Variants in OR8J1 observed in about 807,000 individuals in gnomAD.
The protein encoded by OR8J1 is olfactory receptor family 8 subfamily J member 1.
For synonymous variants in OR8J1, 157 were observed against 144.3 expected (o/e 1.09, Z -0.63); for missense variants, 400 against 373.0 (o/e 1.07, Z -0.60).
chr11:56,357,484 A>T, intron 1 of OR8J1: 1 of 865,192 alleles, frequency 1.2e-6, no homozygotes, highest in Non-Finnish European at 1.9e-6. Flanking sequence ...ATGATAGTTC[A>T]TGTAATAAAC....
intron 1 of OR8J1, among the ~76,000 whole-genome samples, chr11:56,356,344 C>G (rs140156207): frequency 1.8e-3 from 275 of 152,222 alleles, no homozygotes; most frequent in Admixed American, 4.1e-3. Context: ...TTAAAAATCA[C>G]TTTTTAATAA....
intron 1 of OR8J1, chr11:56,357,798 G>T: frequency 7.9e-7 from 1 of 1,263,762 alleles, no homozygotes; most frequent in East Asian, 2.3e-5. Flanking sequence ...TGGCAATAAA[G>T]TTTTTGGCAC....
chr11:56,361,026 G>T lies in OR8J1; in HGVS notation c.780G>T (p.Val260=). The T allele has an allele frequency of 6.7e-7, 1 of 1,498,258 alleles. No individual in the cohort carries two copies. Among genetic ancestry groups the T allele is most frequent in the South Asian group, 1.5e-5 (1 of 67,606 alleles). The allele number at this position is 1,498,258 out of a possible 1,614,324, so 92.8% of individuals were successfully genotyped here. A position where few individuals can be genotyped will look rare whatever the true frequency, so the allele number is the denominator to read the frequency against. The change falls in exon 2 of 2, where the codon GTG becomes GTT. Residue 260 remains valine (V), a synonymous_variant. Transcript: ENST00000533152. ...ATGGGACATTGCTATTCATGTATGT[G>T]CAGCCCCGAAGTAACCATTCACTGG... is the stretch of plus-strand genomic sequence containing the variant. The part of the protein sequence containing the change: ...IFYGTLLFMY[V]QPRSNHSLDT...
chr11:56,360,196 A>C (rs916268660), intron 1 of OR8J1, 31 bp from the exon 2 acceptor site: 8 of 1,443,034 alleles, frequency 5.5e-6, no homozygotes, highest in Non-Finnish European at 6.6e-6. Flanking sequence ...TAATTCTTTA[A>C]AGTTTTTAAC....
intron 1 of OR8J1, among the ~76,000 whole-genome samples, chr11:56,359,274 T>C (rs1227346716): frequency 2.0e-5 from 3 of 152,056 alleles, no homozygotes; most frequent in Non-Finnish European, 4.4e-5. Flanking sequence ...GCATTTAAAT[T>C]CTATGTCAAA....
chr11:56,357,609 G>A, intron 1 of OR8J1: 1 of 1,277,124 alleles, frequency 7.8e-7, no homozygotes, highest in Non-Finnish European at 1.1e-6. Context: ...GACAAATTAT[G>A]CTGCAGCCTA....
intron 1 of OR8J1, chr11:56,357,615 G>C: frequency 7.6e-7 from 1 of 1,311,088 alleles, no homozygotes. Flanking sequence ...TTATGCTGCA[G>C]CCTATTGTAC....
rs1379397011 is a variant in OR8J1, at chr11:56,360,529, T to G, written c.283T>G (p.Tyr95Asp). The part of the protein sequence containing the change: ...FLVKKKTTSF[Y>D]ECATQLGGFL... Reference sequence around the variant, plus strand: ...AGTAAAGAAGAAAACTACCTCATTCTATGAATGTGCCACCCAACTGGGAGG... The same window carrying G: ...AGTAAAGAAGAAAACTACCTCATTCGATGAATGTGCCACCCAACTGGGAGG... Residue 95 changes from tyrosine to aspartate, a missense_variant, in exon 2 of 2, where the codon TAT (tyrosine) becomes GAT (aspartate). Coordinates refer to ENST00000533152, the MANE Select transcript of OR8J1 (RefSeq NM_001005205.3). 6.2e-7 allele frequency: 1 copy of G among 1,614,194 alleles called. No homozygotes were observed. Among genetic ancestry groups the G allele is most frequent in the Non-Finnish European group, 8.5e-7 (1 of 1,180,036 alleles).
intron 1 of OR8J1, among the ~76,000 whole-genome samples, chr11:56,359,688 A>G (rs1277561233): frequency 6.6e-6 from 1 of 152,136 alleles, no homozygotes; most frequent in Non-Finnish European, 1.5e-5. Flanking sequence ...AGTTAATTTA[A>G]AAAAGAGAGA....
At chr11:56,357,890 A>T in intron 1 of OR8J1, 1 of 871,234 alleles carries the variant, frequency 1.1e-6, no homozygotes, top group Non-Finnish European at 1.9e-6. Flanking sequence ...AAAGCAAGGG[A>T]TTTAATGCAG....
Position 56,360,460 on chromosome 11 carries a change from G to A in OR8J1, c.214G>A (p.Gly72Ser), listed in dbSNP as rs1852619052. Reference sequence around the variant, plus strand: ...GCAACATCTGGCTCTCATTAATCTTGGTAACTCTACTGTCATTGCCCCTAA... The same window carrying A: ...GCAACATCTGGCTCTCATTAATCTTAGTAACTCTACTGTCATTGCCCCTAA... ...FLQHLALINL[G>S]NSTVIAPKML... is the part of the protein sequence containing the mutation. The change falls in exon 2 of 2, where the codon GGT becomes AGT. Residue 72 changes from glycine (G) to serine (S), a missense_variant. Gly to Ser is a moderately conservative substitution (Grantham distance 56). Coordinates refer to ENST00000533152, the MANE Select transcript of OR8J1 (RefSeq NM_001005205.3). The A allele has an allele frequency of 6.2e-7, 1 of 1,613,870 alleles. No individual in the cohort carries two copies. The highest frequency in any genetic ancestry group is 8.5e-7 in the Non-Finnish European group (1 of 1,180,004).
At position 56,361,392 on chromosome 11, in the gene OR8J1, G is replaced by GA. The variant is rs377422813; in HGVS notation, c.*205dup. ...CCCTTTGAGTTGTGAGGTTAAGTTA[G>GA]AAAAAAAAAATGTTATTTACCAATT... is the stretch of plus-strand genomic sequence containing the variant. On this transcript the variant is annotated 3_prime_UTR_variant, in exon 2 of 2. Transcript: ENST00000533152. 6.5e-3 allele frequency: 2,298 copies of GA among 351,152 alleles called. No homozygotes were observed. The highest frequency in any genetic ancestry group is 9.1e-3 in the East Asian group (219 of 24,146). The allele number at this position is 351,152 out of a possible 1,614,324, so 21.8% of individuals were successfully genotyped here.
chr11:56,358,228 C>T (rs1042278882), intron 1 of OR8J1: 4 of 258,240 alleles, frequency 1.5e-5, no homozygotes, highest in Admixed American at 1.2e-4. Context: ...CTAAACCAAA[C>T]AATTTTCTAT....
chr11:56,361,363 GAAACCCTTTGAGTTGTGAGGTT>G lies in OR8J1; in HGVS notation c.*169_*190del, dbSNP rs927161642. On this transcript the variant is annotated 3_prime_UTR_variant, in exon 2 of 2. Transcript: ENST00000533152. ...GGAGCTTTGAATTAAAAAATAAACTGAAACCCTTTGAGTTGTGAGGTTAAGTTAGAAAAAAAAAATGTTATTT... is the reference window on the plus strand; with the variant it reads ...GGAGCTTTGAATTAAAAAATAAACTGAAGTTAGAAAAAAAAAATGTTATTT... 7.6e-6 allele frequency: 3 copies of G among 396,874 alleles called. No homozygotes were observed. The highest frequency in any genetic ancestry group is 6.2e-5 in the African/African-American group (3 of 48,334). 24.6% of individuals were successfully genotyped at this position (396,874 alleles called of 1,614,324 possible).
chr11:56,357,391 G>A lies in OR8J1; in HGVS notation c.-20-2836G>A, dbSNP rs572885726. 2.7e-4 allele frequency: 215 copies of A among 803,376 alleles called. 6 individuals carry two copies. Among genetic ancestry groups the A allele is most frequent in the South Asian group, 2.1e-3 (148 of 72,030 alleles). The allele number at this position is 803,376 out of a possible 1,614,324, so 49.8% of individuals were successfully genotyped here. On this transcript the variant is annotated intron_variant, in intron 1 of 1. Transcript: ENST00000533152. Reference sequence around the variant, plus strand: ...ATATACCAAGTGAAATTTAGAAGACGACGAGAGGGTAAAACTGATTACTAT... The same window carrying A: ...ATATACCAAGTGAAATTTAGAAGACAACGAGAGGGTAAAACTGATTACTAT...
Position 56,360,659 on chromosome 11 carries a change from G to C in OR8J1, c.413G>C (p.Arg138Pro), listed in dbSNP as rs763001322. ...NPLLYMVVVS[R>P]RLCLLLVSLT... ...CTGCTGTACATGGTGGTGGTGTCTC[G>C]GCGGCTCTGCCTCCTGCTGGTCTCC... is the stretch of plus-strand genomic sequence containing the variant. Residue 138 changes from arginine to proline, a missense_variant, in exon 2 of 2, where the codon CGG becomes CCG. Coordinates refer to ENST00000533152, the MANE Select transcript of OR8J1 (RefSeq NM_001005205.3). The C allele has an allele frequency of 6.2e-7, 1 of 1,611,134 alleles. No homozygotes were observed. Among genetic ancestry groups the C allele is most frequent in the Non-Finnish European group, 8.5e-7 (1 of 1,178,920 alleles).
At chr11:56,355,394 G>A (rs147952708) in intron 1 of OR8J1, among the ~76,000 whole-genome samples, 4,571 of 152,098 alleles carry the variant, frequency 0.03, 220 homozygotes, top group African/African-American at 0.1. Flanking sequence ...CCAGCACTTT[G>A]GGAGGCCGAG....
chr11:56,355,577 G>A (rs1466673799), intron 1 of OR8J1, among the ~76,000 whole-genome samples: 4 of 152,034 alleles, frequency 2.6e-5, no homozygotes, highest in African/African-American at 9.7e-5. Context: ...GCAGTGAGCC[G>A]AGACCGTGCC....
chr11:56,357,476 G>A (rs1289417423), intron 1 of OR8J1: 1 of 865,828 alleles, frequency 1.2e-6, no homozygotes, highest in Non-Finnish European at 1.9e-6. Context: ...AATACTGGAT[G>A]ATAGTTCATG....
Sources: gnomAD v4.1 joint callset for allele counts (sites outside exome capture counted in the v4.1 genomes callset) on GRCh38, gnomAD v4.1.1 for gene constraint, MANE v1.5 for transcripts, NCBI Gene and HGNC (gene_info 2026-07-23, HGNC 2026-07-21) for gene names.